The following GALNS variants were observed in gnomAD, a reference collection of about 807,000 sequenced individuals.
The protein encoded by GALNS is galactosamine (N-acetyl)-6-sulfatase.
A neutral mutation model predicts 65.9 loss-of-function variants in GALNS; 65 were observed. The observed-to-expected ratio is 0.99, with a 90% CI of 0.81 to 1.21. The LOEUF (loss-of-function observed/expected upper bound fraction) is 1.21. Among genes scored for constraint, GALNS ranks in the 50% most tolerant of loss-of-function variants. The pLI is 0.00. For missense variants in GALNS, 776 were observed against 700.7 expected (o/e 1.11, Z -1.21); for synonymous variants, 346 against 288.9 (o/e 1.20, Z -2.00).
intron 13 of GALNS, chr16:88,817,306 G>A (rs1295733409): frequency 2.0e-5 from 20 of 985,322 alleles, no homozygotes; most frequent in Non-Finnish European, 2.3e-5. Context: ...TTGGAGGCAC[G>A]TCTGTGCTTG....
At chr16:88,840,015 T>C (rs1311736459) in intron 4 of GALNS, among the ~76,000 whole-genome samples, 1 of 152,238 alleles carries the variant, frequency 6.6e-6, no homozygotes, top group Non-Finnish European at 1.5e-5. Context: ...CCATGGCCCC[T>C]GGCACTGGCT....
intron 1 of GALNS, chr16:88,843,118 T>C: frequency 6.8e-7 from 1 of 1,462,028 alleles, no homozygotes; most frequent in Non-Finnish European, 9.1e-7. Flanking sequence ...GGTCTTCAGG[T>C]GGGGAATGTG....
chr16:88,838,786 C>T (rs1238032784), intron 4 of GALNS: 1 of 152,276 alleles, frequency 6.6e-6, no homozygotes, highest in African/African-American at 2.4e-5. Context: ...AGTTGCGTGT[C>T]GTCTGAGGAA....
chr16:88,828,431 G>A (rs537194484), intron 9 of GALNS, among the ~76,000 whole-genome samples: 30 of 152,304 alleles, frequency 2.0e-4, no homozygotes, highest in Non-Finnish European at 3.4e-4. Context: ...CAGCGCTTTC[G>A]AGACTTCACT....
intron 1 of GALNS, chr16:88,856,075 C>T: frequency 1.5e-6 from 1 of 668,356 alleles, no homozygotes. Context: ...AGGCTCATTC[C>T]TGAGTCTCCA....
chr16:88,834,885 C>T (rs1370697461), intron 8 of GALNS, among the ~76,000 whole-genome samples: 1 of 152,172 alleles, frequency 6.6e-6, no homozygotes, highest in Non-Finnish European at 1.5e-5. Flanking sequence ...GGACACCCTG[C>T]TCCACCGGCC....
intron 1 of GALNS, chr16:88,856,271 A>T: frequency 1.4e-6 from 1 of 702,844 alleles, no homozygotes. Flanking sequence ...CAGCGGGGGG[A>T]CCCGGCGGCC....
Position 88,836,290 on chromosome 16 carries a change from C to A in GALNS, c.567-23G>T, listed in dbSNP as rs568370104. The A allele has an allele frequency of 8.8e-6, 14 of 1,593,732 alleles. No individual in the cohort carries two copies. The Admixed American group carries it at 1.8e-4, about 21-fold the overall frequency. ...TATCTGAAAAGAACACAGATCCAGA[C>A]AGACTTCAGAATTTAGGCCAAGAAA... On this transcript the variant is annotated intron_variant, in intron 5 of 13. Transcript: ENST00000268695.
intron 13 of GALNS, chr16:88,815,045 G>A: frequency 1.0e-6 from 1 of 979,136 alleles, no homozygotes; most frequent in Non-Finnish European, 1.2e-6. Flanking sequence ...GAGCAGTTTT[G>A]ATGTGTCCCC....
At chr16:88,825,238 G>T (rs1198076040) in intron 10 of GALNS, among the ~76,000 whole-genome samples, 4 of 126,290 alleles carry the variant, frequency 3.2e-5, no homozygotes, top group Admixed American at 2.9e-4. Flanking sequence ...CTGGGGCTGG[G>T]GTGTCTGGGT....
Position 88,822,581 on chromosome 16 carries a change from C to T in GALNS, c.1364+8G>A, listed in dbSNP as rs368171136. 175 of 1,612,114 alleles carry T rather than the reference C, an allele frequency of 1.1e-4. 1 individual carries two copies. The highest frequency in any genetic ancestry group is 8.7e-4 in the African/African-American group (65 of 74,996). On this transcript the variant is annotated splice_region_variant and intron_variant, in intron 12 of 13. Transcript: ENST00000268695. ...CCTCAGCAGCCAGGAGGCCCTGCAC[C>T]GACTCACCTGAGGGGGAACCTCTCC...
intron 13 of GALNS, chr16:88,816,036 CGT>C (rs1455628548): frequency 4.3e-5 from 42 of 985,288 alleles, no homozygotes; most frequent in Admixed American, 2.5e-4. Context: ...GCTTCACACG[CGT>C]GTCTGTGCAT....
chr16:88,855,242 G>A (rs1318823603), intron 1 of GALNS: 2 of 699,276 alleles, frequency 2.9e-6, no homozygotes, highest in Non-Finnish European at 2.6e-6. Context: ...TGTCCTCTGA[G>A]AAAGTCAGGA....
Position 88,831,301 on chromosome 16 carries a change from C to T in GALNS, c.1002+697G>A, listed in dbSNP as rs1425265194. Among the ~76,000 whole-genome samples the T allele has an allele frequency of 6.6e-3, 295 of 44,704 alleles. 7 individuals are homozygous for T. The highest frequency in any genetic ancestry group is 0.035 in the African/African-American group (278 of 7,910). The allele number at this position is 44,704 out of a possible 152,430, so 29.3% of individuals were successfully genotyped here. Reference sequence around the variant, plus strand: ...GGGAGGAGAGCGGTGAGGCCGAGCACGGGGTGCGTGGGGAGGAGAGCGGTG... The same window carrying T: ...GGGAGGAGAGCGGTGAGGCCGAGCATGGGGTGCGTGGGGAGGAGAGCGGTG... On this transcript the variant is annotated intron_variant, in intron 9 of 13. Coordinates refer to ENST00000268695, the MANE Select transcript of GALNS (RefSeq NM_000512.5).
intron 8 of GALNS, among the ~76,000 whole-genome samples, chr16:88,832,321 A>G (rs2142999352): frequency 6.6e-6 from 1 of 152,290 alleles, no homozygotes; most frequent in African/African-American, 2.4e-5. Context: ...CATCATGCCC[A>G]CTGAGGAAAT....
At chr16:88,840,921 A>C in intron 4 of GALNS, 71 bp downstream of exon 4, 1 of 1,207,940 alleles carries the variant, frequency 8.3e-7, no homozygotes, top group African/African-American at 1.5e-5. Context: ...ACTTGTGGCC[A>C]TGTCCCTTGG....
intron 8 of GALNS, among the ~76,000 whole-genome samples, chr16:88,834,890 C>A (rs1278205409): frequency 6.6e-6 from 1 of 152,176 alleles, no homozygotes; most frequent in African/African-American, 2.4e-5. Flanking sequence ...CCCTGCTCCA[C>A]CGGCCCTGCT....
At chr16:88,831,200 G>C (rs1208638877) in intron 9 of GALNS, among the ~76,000 whole-genome samples, 3 of 152,188 alleles carry the variant, frequency 2.0e-5, no homozygotes, top group Non-Finnish European at 2.9e-5. Flanking sequence ...AGAGGGACCT[G>C]GTTCCGAGGA....
Position 88,841,113 on chromosome 16 carries a change from G to T in GALNS, c.320-19C>A. ...GTGTAGGCTGGAAGAGCAGCGCTGG[G>T]TGAGCCCCGAGGAGACCCCGAGAAG... On this transcript the variant is annotated intron_variant, in intron 3 of 13. Transcript: ENST00000268695. 1 of 1,603,626 alleles carries T rather than the reference G, an allele frequency of 6.2e-7. No homozygotes were observed. The highest frequency in any genetic ancestry group is 8.5e-7 in the Non-Finnish European group (1 of 1,171,516).
Sources: allele counts gnomAD v4.1 joint callset (sites outside exome capture counted in the v4.1 genomes callset), GRCh38; gene constraint gnomAD v4.1.1; transcripts MANE v1.5; gene names NCBI Gene and HGNC (gene_info 2026-07-23, HGNC 2026-07-21).